The following DPP10 variants were observed in gnomAD, a reference collection of about 807,000 sequenced individuals.
DPP10 encodes inactive dipeptidyl peptidase 10.
In DPP10, 33 loss-of-function variants were observed where a neutral mutation model predicts 120.9. The observed-to-expected ratio is 0.27, with a 90% CI of 0.21 to 0.37. The LOEUF is 0.37. Among genes scored for constraint, DPP10 ranks in the 10% least tolerant of loss-of-function variants. DPP10 has a pLI of 1.00. For synonymous variants in DPP10, 337 were observed against 326.1 expected, an observed-to-expected ratio of 1.03 and a Z score of -0.36; for missense variants, 816 against 942.8, an observed-to-expected ratio of 0.87 and a Z score of 1.76.
In DPP10 at chr2:115,387,363, C is replaced by T. The variant is rs186528088; in HGVS notation, c.271+43451C>T. 5.3e-3 allele frequency among the ~76,000 whole-genome samples: 805 copies of T among 152,184 alleles called. 6 individuals are homozygous for T. Among genetic ancestry groups the T allele is most frequent in the African/African-American group, 0.018 (729 of 41,536 alleles). ...CAACTTATTTTTAGTTTTAGTTTTCCTTTAACAATTGAAAAGAAATTACAG... is the reference window on the plus strand; with the variant it reads ...CAACTTATTTTTAGTTTTAGTTTTCTTTTAACAATTGAAAAGAAATTACAG... On this transcript the variant is annotated intron_variant, in intron 3 of 25. Coordinates refer to ENST00000410059, the MANE Select transcript of DPP10 (RefSeq NM_020868.6).
intron 5 of DPP10, among the ~76,000 whole-genome samples, chr2:115,587,344 C>T (rs999582922): frequency 3.9e-5 from 6 of 151,958 alleles, no homozygotes; most frequent in Non-Finnish European, 8.8e-5. Flanking sequence ...ATGATCCGCC[C>T]GCCTCGGCCT....
intron 1 of DPP10, among the ~76,000 whole-genome samples, chr2:114,716,742 T>A (rs1381362394): frequency 6.6e-6 from 1 of 152,224 alleles, no homozygotes; most frequent in Non-Finnish European, 1.5e-5. Flanking sequence ...AGTGTAAGGT[T>A]GATCTTCCCT....
chr2:114,844,123 T>G (rs1056537055), intron 1 of DPP10, among the ~76,000 whole-genome samples: 4 of 152,098 alleles, frequency 2.6e-5, no homozygotes, highest in African/African-American at 9.7e-5. Flanking sequence ...TCTTCCCTAT[T>G]TTGTCCTTTC....
intron 1 of DPP10, among the ~76,000 whole-genome samples, chr2:114,682,449 C>T (rs1364423980): frequency 2.0e-5 from 3 of 151,844 alleles, no homozygotes; most frequent in African/African-American, 7.2e-5. Context: ...TGTAATAATG[C>T]TTCCAGTGTA....
At chr2:115,082,085 A>G (rs779119749) in intron 1 of DPP10, among the ~76,000 whole-genome samples, 1 of 152,140 alleles carries the variant, frequency 6.6e-6, no homozygotes, top group Admixed American at 6.6e-5. Context: ...ATTTTGTAAT[A>G]TTTTTATCAG....
At chr2:114,647,020 G>A (rs1696191964) in intron 1 of DPP10, among the ~76,000 whole-genome samples, 1 of 152,200 alleles carries the variant, frequency 6.6e-6, no homozygotes, top group Non-Finnish European at 1.5e-5. Flanking sequence ...GGAAGTCCAA[G>A]CCCAGTTCAC....
chr2:115,037,586 C>T (rs867978649), intron 1 of DPP10, among the ~76,000 whole-genome samples: 11 of 152,162 alleles, frequency 7.2e-5, no homozygotes, highest in Admixed American at 1.3e-4. Flanking sequence ...CTACATGAGA[C>T]GTACCATGGG....
chr2:114,563,465 C>T (rs1309337270), intron 1 of DPP10, among the ~76,000 whole-genome samples: 1 of 152,016 alleles, frequency 6.6e-6, no homozygotes, highest in Non-Finnish European at 1.5e-5. Flanking sequence ...TCCAAAATGA[C>T]AGACCGAGGA....
At chr2:115,085,478 A>C (rs1051491606) in intron 1 of DPP10, among the ~76,000 whole-genome samples, 7 of 152,234 alleles carry the variant, frequency 4.6e-5, no homozygotes, top group Non-Finnish European at 1.0e-4. Flanking sequence ...CCCAAATTTC[A>C]ATAAATTAAT....
At chr2:115,728,520 ACATATAGAT>A (rs1364231845) in intron 8 of DPP10, among the ~76,000 whole-genome samples, 1 of 152,180 alleles carries the variant, frequency 6.6e-6, no homozygotes, top group African/African-American at 2.4e-5. Context: ...GCTGAGTTCT[ACATATAGAT>A]TGCCTGGGCA....
chr2:114,583,464 C>T (rs917235745), intron 1 of DPP10, among the ~76,000 whole-genome samples: 1 of 152,092 alleles, frequency 6.6e-6, no homozygotes, highest in African/African-American at 2.4e-5. Flanking sequence ...TAGATTTCTC[C>T]CTAGGATTAT....
chr2:115,023,415 A>G (rs373454750), intron 1 of DPP10, among the ~76,000 whole-genome samples: 1 of 152,294 alleles, frequency 6.6e-6, no homozygotes, highest in South Asian at 2.1e-4. Context: ...TAATCATCAG[A>G]GAAATGCAAA....
chr2:114,826,297 A>G (rs1356716945), intron 1 of DPP10, among the ~76,000 whole-genome samples: 1 of 152,220 alleles, frequency 6.6e-6, no homozygotes, highest in African/African-American at 2.4e-5. Flanking sequence ...ATGATGTTTC[A>G]GAGCTTTTAA....
chr2:115,118,373 G>T (rs1011251407), intron 1 of DPP10, among the ~76,000 whole-genome samples: 5 of 152,292 alleles, frequency 3.3e-5, no homozygotes, highest in Non-Finnish European at 4.4e-5. Context: ...TTTCAAGTCA[G>T]ACTGCTCACT....
chr2:114,870,284 T>C (rs1690580892), intron 1 of DPP10, among the ~76,000 whole-genome samples: 1 of 152,204 alleles, frequency 6.6e-6, no homozygotes, highest in Non-Finnish European at 1.5e-5. Context: ...AATGACCCTT[T>C]CATAAGGTTT....
intron 1 of DPP10, among the ~76,000 whole-genome samples, chr2:115,265,303 A>G (rs948542549): frequency 1.3e-5 from 2 of 150,538 alleles, no homozygotes; most frequent in African/African-American, 4.9e-5. Flanking sequence ...GCACACATAC[A>G]TATATATATG....
At chr2:114,645,650 A>C (rs1696064181) in intron 1 of DPP10, among the ~76,000 whole-genome samples, 2 of 152,142 alleles carry the variant, frequency 1.3e-5, no homozygotes, top group Admixed American at 1.3e-4. Flanking sequence ...TGAGGAATTG[A>C]AGGCTCTACC....
chr2:115,192,218 A>G (rs558559660), intron 1 of DPP10, among the ~76,000 whole-genome samples: 1 of 152,370 alleles, frequency 6.6e-6, no homozygotes, highest in South Asian at 2.1e-4. Context: ...CTGCATTATT[A>G]GCAGTTGTAC....
At chr2:115,235,167 G>A (rs1574106716) in intron 1 of DPP10, among the ~76,000 whole-genome samples, 1 of 152,132 alleles carries the variant, frequency 6.6e-6, no homozygotes, top group East Asian at 1.9e-4. Flanking sequence ...AAACCTCTGT[G>A]CAAGGAAGTT....
Sources: allele counts gnomAD v4.1 joint callset (sites outside exome capture counted in the v4.1 genomes callset), GRCh38; gene constraint gnomAD v4.1.1; transcripts MANE v1.5; gene names NCBI Gene and HGNC (gene_info 2026-07-23, HGNC 2026-07-21).